The following PHLPP1 variants were observed in gnomAD, a reference collection of about 807,000 sequenced individuals.
PHLPP1 encodes the protein PH domain and leucine rich repeat protein phosphatase 1, also known as PH domain leucine-rich repeat-containing protein phosphatase 1.
In PHLPP1, 42 loss-of-function variants were observed where a neutral mutation model predicts 117.2. The observed-to-expected ratio is 0.36, with a 90% confidence interval of 0.28 to 0.46. The LOEUF (loss-of-function observed/expected upper bound fraction) is 0.46, where lower values mean the gene tolerates loss of function less well. Ranked by LOEUF, PHLPP1 falls within the 20% of genes least tolerant of loss-of-function variation. The pLI, the probability that PHLPP1 is intolerant of heterozygous loss-of-function variation, is 1.00. For missense variants in PHLPP1, 2,084 were observed against 2,241.9 expected (o/e 0.93, Z 1.42); for synonymous variants, 1,042 against 970.7 (o/e 1.07, Z -1.37).
chr18:62,940,974 A>G (rs1042679367), intron 10 of PHLPP1, among the ~76,000 whole-genome samples: 1 of 152,174 alleles, frequency 6.6e-6, no homozygotes, highest in Admixed American at 6.5e-5. Context: ...CTGACTTTGA[A>G]CTTTATATAG....
intron 4 of PHLPP1, among the ~76,000 whole-genome samples, chr18:62,871,023 T>C (rs1313767977): frequency 6.6e-6 from 1 of 152,144 alleles, no homozygotes; most frequent in Non-Finnish European, 1.5e-5. Flanking sequence ...TCTCTTTTAT[T>C]AATAGTGCTT....
chr18:62,761,476 C>CA lies in PHLPP1; in HGVS notation c.1576+44224dup, dbSNP rs529921316. ...TGAAACCCCGTCTCTACTAAAAATACAAAAAAATTAGCCGGATGTGGTGGC... is the reference window on the plus strand; with the variant it reads ...TGAAACCCCGTCTCTACTAAAAATACAAAAAAAATTAGCCGGATGTGGTGGC... On this transcript the variant is annotated intron_variant, in intron 1 of 16. Transcript: ENST00000262719. 4.7e-4 allele frequency among the ~76,000 whole-genome samples: 71 copies of CA among 151,442 alleles called. 2 individuals carry two copies. In the South Asian group the frequency reaches 0.015, roughly 32 times the overall value.
intron 4 of PHLPP1, among the ~76,000 whole-genome samples, chr18:62,865,734 A>G (rs975093212): frequency 2.0e-5 from 3 of 152,334 alleles, no homozygotes; most frequent in African/African-American, 7.2e-5. Flanking sequence ...CTTTTCAGGG[A>G]CATGGATGGA....
chr18:62,813,007 G>A (rs956475590), intron 1 of PHLPP1, among the ~76,000 whole-genome samples: 2 of 152,186 alleles, frequency 1.3e-5, no homozygotes, highest in African/African-American at 4.8e-5. Flanking sequence ...AATGCTGAAA[G>A]GACTCTTAAG....
intron 1 of PHLPP1, among the ~76,000 whole-genome samples, chr18:62,827,847 T>G (rs1481467878): frequency 6.6e-6 from 1 of 152,228 alleles, no homozygotes; most frequent in African/African-American, 2.4e-5. Flanking sequence ...TTCTGTAGGA[T>G]GTATATGGAG....
intron 1 of PHLPP1, among the ~76,000 whole-genome samples, chr18:62,769,051 T>G (rs535982927): frequency 1.4e-4 from 21 of 152,278 alleles, no homozygotes; most frequent in Middle Eastern, 3.4e-3. Flanking sequence ...AAATGATTGC[T>G]AATAATAAAG....
chr18:62,936,042 A>G (rs1446138491), intron 10 of PHLPP1, among the ~76,000 whole-genome samples: 1 of 152,196 alleles, frequency 6.6e-6, no homozygotes, highest in African/African-American at 2.4e-5. Flanking sequence ...TTGCTTTTTA[A>G]GTATCATTCT....
At chr18:62,722,754 C>T (rs1375728301) in intron 1 of PHLPP1, among the ~76,000 whole-genome samples, 1 of 152,130 alleles carries the variant, frequency 6.6e-6, no homozygotes, top group Non-Finnish European at 1.5e-5. Context: ...GAAACTTCAA[C>T]TCCAGAAACT....
chr18:62,794,491 C>T (rs962559678), intron 1 of PHLPP1, among the ~76,000 whole-genome samples: 31 of 152,172 alleles, frequency 2.0e-4, no homozygotes, highest in African/African-American at 6.7e-4. Context: ...CCTCAACCTT[C>T]TAAGTAGATG....
At chr18:62,856,829 T>G (rs1203834656) in intron 3 of PHLPP1, among the ~76,000 whole-genome samples, 1 of 152,168 alleles carries the variant, frequency 6.6e-6, no homozygotes, top group Non-Finnish European at 1.5e-5. Flanking sequence ...TCTCCGGTTT[T>G]TCCTTTCTAA....
intron 1 of PHLPP1, among the ~76,000 whole-genome samples, chr18:62,782,630 A>G (rs888897206): frequency 6.6e-6 from 1 of 152,198 alleles, no homozygotes; most frequent in African/African-American, 2.4e-5. Flanking sequence ...GAATTCACAA[A>G]TGAAGGAATT....
chr18:62,904,034 G>A (rs562071294), intron 7 of PHLPP1, among the ~76,000 whole-genome samples: 5 of 152,160 alleles, frequency 3.3e-5, no homozygotes, highest in Non-Finnish European at 5.9e-5. Context: ...TCACGCACTT[G>A]TTTTATGCAT....
chr18:62,978,616 A>T lies in PHLPP1; in HGVS notation c.4339A>T (p.Ile1447Phe). The change falls in exon 17 of 17, where the codon ATC becomes TTC. Residue 1447 changes from isoleucine to phenylalanine, a missense_variant. Physicochemically the swap from Ile to Phe is conservative, Grantham distance 21. Coordinates refer to ENST00000262719, the MANE Select transcript of PHLPP1 (RefSeq NM_194449.4). The surrounding 1 kb of genome is among the most constrained non-coding windows in gnomAD (Gnocchi z 7.0). The stretch of plus-strand genomic sequence containing the variant: ...GGCTGTGCCACCACCCAGTCCTGGC[A>T]TCTTTCCTCCCTCAGTGAACATGGT... ...GGAVPPPSPG[I>F]FPPSVNMVIK... The T allele has an allele frequency of 6.2e-7, 1 of 1,613,840 alleles. No homozygotes were observed. Among genetic ancestry groups the T allele is most frequent in the Non-Finnish European group, 8.5e-7 (1 of 1,179,814 alleles).
chr18:62,853,924 A>G (rs909974967), intron 3 of PHLPP1, among the ~76,000 whole-genome samples: 1 of 152,218 alleles, frequency 6.6e-6, no homozygotes, highest in African/African-American at 2.4e-5. Context: ...TAAAATGAAT[A>G]AAATGGTATT....
At position 62,935,861 on chromosome 18, in the gene PHLPP1, G is replaced by A. The variant is rs532803100; in HGVS notation, c.2961-5857G>A. Among the ~76,000 whole-genome samples, 5 of 152,106 alleles carry A rather than the reference G, an allele frequency of 3.3e-5. No homozygotes were observed. The East Asian group carries it at 7.7e-4, about 24-fold the overall frequency. On this transcript the variant is annotated intron_variant, in intron 10 of 16. Transcript: ENST00000262719. Reference sequence around the variant, plus strand: ...TCTACTAAAAATACAAAAATTAGCCGGGCTGGTGATGCATGCCTGTAATCT... The same window carrying A: ...TCTACTAAAAATACAAAAATTAGCCAGGCTGGTGATGCATGCCTGTAATCT...
intron 1 of PHLPP1, among the ~76,000 whole-genome samples, chr18:62,803,474 G>A (rs1346314320): frequency 1.3e-5 from 2 of 152,158 alleles, no homozygotes; most frequent in African/African-American, 2.4e-5. Flanking sequence ...CTTATCATAT[G>A]TACTCTTTTG....
At chr18:62,766,136 T>C (rs566445914) in intron 1 of PHLPP1, among the ~76,000 whole-genome samples, 1 of 118,932 alleles carries the variant, frequency 8.4e-6, no homozygotes, top group South Asian at 2.8e-4. Context: ...AAAAGGAGAA[T>C]TGGAGATAAT....
At chr18:62,735,791 A>G (rs1396056478) in intron 1 of PHLPP1, among the ~76,000 whole-genome samples, 3 of 152,146 alleles carry the variant, frequency 2.0e-5, no homozygotes, top group Non-Finnish European at 4.4e-5. Context: ...AAACGTATGT[A>G]ATATTGGAAT....
At chr18:62,880,390 A>G (rs764368827) in intron 4 of PHLPP1, among the ~76,000 whole-genome samples, 1 of 152,046 alleles carries the variant, frequency 6.6e-6, no homozygotes, top group African/African-American at 2.4e-5. Flanking sequence ...TTTCCTTTTT[A>G]TATATCTTTA....
Sources: allele counts gnomAD v4.1 joint callset (sites outside exome capture counted in the v4.1 genomes callset), GRCh38; gene constraint gnomAD v4.1.1; non-coding constraint Gnocchi (gnomAD v3.1); transcripts MANE v1.5; gene names NCBI Gene and HGNC (gene_info 2026-07-23, HGNC 2026-07-21).